Variants in CDC42BPB observed in about 807,000 individuals in gnomAD.
CDC42BPB encodes serine/threonine-protein kinase MRCK beta.
In CDC42BPB, 37 loss-of-function variants were observed where a neutral mutation model predicts 214.9. The observed-to-expected ratio is 0.17, with a 90% CI of 0.13 to 0.23. CDC42BPB has a LOEUF of 0.23. Ranked by LOEUF, CDC42BPB falls within the 10% of genes least tolerant of loss-of-function variation. The pLI is 1.00. For missense variants in CDC42BPB, 1,694 were observed against 2,227.0 expected (o/e 0.76, Z 4.82); for synonymous variants, 931 against 884.0 (o/e 1.05, Z -0.94).
Position 102,980,016 on chromosome 14 carries a change from T to C in CDC42BPB, c.1140+757A>G, listed in dbSNP as rs556713738. ...CCAATGCAGACACAAAGCGCTGTAA[T>C]GTTAGAAAGATTTAACGTGCTCTCA... is the stretch of plus-strand genomic sequence containing the variant. On this transcript the variant is annotated intron_variant, in intron 8 of 36. Transcript: ENST00000361246. 1.3e-4 allele frequency among the ~76,000 whole-genome samples: 20 copies of C among 152,316 alleles called. No homozygotes were observed. In the East Asian group the frequency reaches 3.9e-3, roughly 29 times the overall value.
chr14:102,973,291 G>C (rs1893569368), intron 12 of CDC42BPB, among the ~76,000 whole-genome samples: 1 of 152,170 alleles, frequency 6.6e-6, no homozygotes, highest in Non-Finnish European at 1.5e-5. Context: ...AAACAATCTG[G>C]GTTTGATACC....
In CDC42BPB at chr14:103,057,239, G is replaced by T; in HGVS notation, c.-66C>A. ...GCCGGCTCGGCCAGTCCGTCAGGGC[G>T]CGCCCTCGGGGGCTCGGCGGCTGCG... On this transcript the variant is annotated 5_prime_UTR_variant, in exon 1 of 37. Coordinates refer to ENST00000361246, the MANE Select transcript of CDC42BPB (RefSeq NM_006035.4). The T allele has an allele frequency of 1.6e-6, 2 of 1,216,840 alleles. No individual in the cohort carries two copies. The highest frequency in any genetic ancestry group is 1.0e-6 in the Non-Finnish European group (1 of 977,620). 75.4% of individuals were successfully genotyped at this position (1,216,840 alleles called of 1,614,324 possible).
chr14:103,041,600 T>A, intron 1 of CDC42BPB: 1 of 894,828 alleles, frequency 1.1e-6, no homozygotes. Flanking sequence ...GTGCCCCACA[T>A]TGCCCTGCAC....
intron 5 of CDC42BPB, among the ~76,000 whole-genome samples, chr14:102,989,096 C>T (rs992769063): frequency 1.3e-5 from 2 of 151,914 alleles, no homozygotes; most frequent in African/African-American, 4.8e-5. Flanking sequence ...AGCCAGAAAT[C>T]CATAATAAAA....
At chr14:102,990,686 A>G (rs953216176) in intron 5 of CDC42BPB, among the ~76,000 whole-genome samples, 3 of 152,136 alleles carry the variant, frequency 2.0e-5, no homozygotes, top group African/African-American at 7.2e-5. Flanking sequence ...GCTCCCCACT[A>G]AAGGGCCTTG....
At chr14:103,007,777 A>G (rs887141694) in intron 3 of CDC42BPB, among the ~76,000 whole-genome samples, 3 of 139,870 alleles carry the variant, frequency 2.1e-5, no homozygotes, top group African/African-American at 8.5e-5. Flanking sequence ...AGCATGATGG[A>G]CGGAGCAGAT....
intron 20 of CDC42BPB, among the ~76,000 whole-genome samples, chr14:102,962,624 T>C (rs1595470584): frequency 6.6e-6 from 1 of 152,074 alleles, no homozygotes; most frequent in East Asian, 1.9e-4. Flanking sequence ...CTGAGGTGGG[T>C]GGATTGCCTG....
intron 1 of CDC42BPB, among the ~76,000 whole-genome samples, chr14:103,042,598 C>T (rs1325831902): frequency 6.6e-6 from 1 of 152,230 alleles, no homozygotes; most frequent in Non-Finnish European, 1.5e-5. Context: ...GCGTGAGCCA[C>T]TATGCCCGGC....
intron 1 of CDC42BPB, among the ~76,000 whole-genome samples, chr14:103,029,627 T>C (rs569396541): frequency 1.0e-4 from 15 of 150,402 alleles, no homozygotes; most frequent in East Asian, 3.9e-4. Context: ...GAGGCTGACA[T>C]GGGCGGATCA....
rs753951044 is a variant in CDC42BPB at position 102,968,283 on chromosome 14, TTCA to T, written c.2313_2315del (p.Asp771del). The T allele has an allele frequency of 1.1e-5, 18 of 1,614,004 alleles. No individual in the cohort carries two copies. On this transcript the variant is annotated inframe_deletion, in exon 16 of 37. Coordinates refer to ENST00000361246, the MANE Select transcript of CDC42BPB (RefSeq NM_006035.4). ...CATTTTCAGCAGTTAGCTTCTTGTT[TTCA>T]TCAAACAGCATCGCTCTTTCTCGTT...
At chr14:102,993,639 A>G (rs1894598117) in intron 5 of CDC42BPB, among the ~76,000 whole-genome samples, 1 of 152,102 alleles carries the variant, frequency 6.6e-6, no homozygotes, top group African/African-American at 2.4e-5. Context: ...TGACCAGGGC[A>G]CTCAGAAGCG....
At chr14:103,027,398 T>G (rs1296597416) in intron 1 of CDC42BPB, among the ~76,000 whole-genome samples, 1 of 152,136 alleles carries the variant, frequency 6.6e-6, no homozygotes, top group African/African-American at 2.4e-5. Flanking sequence ...TTTAAAAAAT[T>G]TAATATAAAA....
At chr14:103,055,336 T>C (rs1391519777) in intron 1 of CDC42BPB, among the ~76,000 whole-genome samples, 1 of 152,122 alleles carries the variant, frequency 6.6e-6, no homozygotes, top group Admixed American at 6.6e-5. Context: ...GGCAGGAGAA[T>C]TACTTGAACC....
chr14:102,954,058 G>C (rs1892607329), intron 23 of CDC42BPB, 140 bp downstream of exon 23: 2 of 667,086 alleles, frequency 3.0e-6, no homozygotes, highest in African/African-American at 1.8e-5. Flanking sequence ...CTTTCCTACA[G>C]AACATGAGGG....
At position 102,944,471 on chromosome 14, in the gene CDC42BPB, A is replaced by T. The variant is rs1892055541; in HGVS notation, c.3828T>A (p.Ala1276=). 6.2e-7 allele frequency: 1 copy of T among 1,611,310 alleles called. No individual in the cohort carries two copies. The highest frequency in any genetic ancestry group is 1.3e-5 in the African/African-American group (1 of 75,028). The part of the protein sequence containing the change: ...EVTRDVIVRA[A]DCKKVHQIEL... ...CGATCTGGTGTACCTTCTTACAGTC[A>T]GCGGCACGGACGATCACTGTGGCAA... The change falls in exon 30 of 37, where the codon GCT becomes GCA. Residue 1276 remains alanine, a synonymous_variant. Transcript: ENST00000361246. The surrounding 1 kb of genome is among the most constrained non-coding windows in gnomAD (Gnocchi z 6.6).
At chr14:103,021,626 C>T (rs531268525) in intron 1 of CDC42BPB, among the ~76,000 whole-genome samples, 1 of 150,750 alleles carries the variant, frequency 6.6e-6, no homozygotes, top group Non-Finnish European at 1.5e-5. Flanking sequence ...GTTGCAGTGA[C>T]CCGAGATCGT....
At chr14:103,037,599 T>C (rs1887736103) in intron 1 of CDC42BPB, among the ~76,000 whole-genome samples, 1 of 152,204 alleles carries the variant, frequency 6.6e-6, no homozygotes, top group African/African-American at 2.4e-5. Flanking sequence ...ATACATGGTA[T>C]GAGGGGCAAT....
In CDC42BPB at chr14:102,971,831, A is replaced by G. The variant is rs1000125621; in HGVS notation, c.1884+88T>C. On this transcript the variant is annotated intron_variant, in intron 13 of 36. Coordinates refer to ENST00000361246, the MANE Select transcript of CDC42BPB (RefSeq NM_006035.4). ...ACAGAAAATTTCTGACCCCTTTTAC[A>G]GTAATGCAGCCCAAGATTTCAAAGA... The G allele has an allele frequency of 5.0e-6, 7 of 1,392,848 alleles. No individual in the cohort carries two copies. The African/African-American group carries it at 8.6e-5, about 17-fold the overall frequency. 86.3% of individuals were successfully genotyped at this position (1,392,848 alleles called of 1,614,324 possible). A position where few individuals can be genotyped will look rare whatever the true frequency, so the allele number is the denominator to read the frequency against.
intron 1 of CDC42BPB, among the ~76,000 whole-genome samples, chr14:103,032,607 C>A (rs1595171309): frequency 6.9e-6 from 1 of 145,242 alleles, no homozygotes; most frequent in African/African-American, 2.5e-5. Flanking sequence ...GTGTACAATC[C>A]AAATGCCTAT....
Sources: allele counts gnomAD v4.1 joint callset (sites outside exome capture counted in the v4.1 genomes callset), GRCh38; gene constraint gnomAD v4.1.1; non-coding constraint Gnocchi (gnomAD v3.1); transcripts MANE v1.5; gene names NCBI Gene and HGNC (gene_info 2026-07-23, HGNC 2026-07-21).